CHN2: variants seen among roughly 807,000 people sequenced by gnomAD.
CHN2 encodes chimerin 2.
CHN2 carries 35 observed loss-of-function variants against 56.3 expected under a neutral mutation model. The observed-to-expected ratio is 0.62, with a 90% CI of 0.47 to 0.82. CHN2 has a LOEUF of 0.82. Ranked by LOEUF, CHN2 falls within the 40% of genes least tolerant of loss-of-function variation. CHN2 has a pLI of 0.00. For missense variants in CHN2, 491 were observed against 580.5 expected, an observed-to-expected ratio of 0.85 and a Z score of 1.58; for synonymous variants, 210 against 212.8, an observed-to-expected ratio of 0.99 and a Z score of 0.12.
intron 7 of CHN2, among the ~76,000 whole-genome samples, chr7:29,485,018 T>G (rs545922115): frequency 1.3e-5 from 2 of 152,296 alleles, no homozygotes; most frequent in South Asian, 2.1e-4. Context: ...ATTGCTCTGA[T>G]AGAAAGTGGT....
At chr7:29,230,843 A>G (rs1786633861) in intron 1 of CHN2, among the ~76,000 whole-genome samples, 1 of 151,998 alleles carries the variant, frequency 6.6e-6, no homozygotes, top group African/African-American at 2.4e-5. Flanking sequence ...CATTTCCTGT[A>G]GTGACAATTC....
intron 1 of CHN2, among the ~76,000 whole-genome samples, chr7:29,238,015 CTTTTTTTT>C (rs11405147): frequency 1.9e-5 from 2 of 106,004 alleles, no homozygotes; most frequent in Non-Finnish European, 3.6e-5. Flanking sequence ...TATGTATTCT[CTTTTTTTT>C]TTTTTTTTTT....
intron 1 of CHN2, among the ~76,000 whole-genome samples, chr7:29,248,876 T>C (rs1788278477): frequency 6.6e-6 from 1 of 152,172 alleles, no homozygotes; most frequent in African/African-American, 2.4e-5. Flanking sequence ...ATCCTGTGTC[T>C]CTGTCATGCC....
At chr7:29,400,246 A>G (rs540651296) in intron 5 of CHN2, 22 of 423,570 alleles carry the variant, frequency 5.2e-5, no homozygotes, top group East Asian at 3.5e-4. Flanking sequence ...TCTAGGATCA[A>G]ACGACTCCAT....
chr7:29,407,434 A>G (rs1802756454), intron 6 of CHN2, among the ~76,000 whole-genome samples: 2 of 152,028 alleles, frequency 1.3e-5, no homozygotes, highest in Non-Finnish European at 2.9e-5. Flanking sequence ...GCGTGCATTC[A>G]TTTGCCAAAG....
chr7:29,153,768 C>G lies in CHN2; in HGVS notation c.274+6808C>G, dbSNP rs575178316. ...TATTTTTAGTAGAGACAGGGTTTCA[C>G]CATGTTGGCCAGGCTGGTCTCGAAC... On this transcript the variant is annotated intron_variant, in intron 2 of 6. Coordinates refer to the CHN2 transcript ENST00000439384. Among the ~76,000 whole-genome samples, 104 of 152,186 alleles carry G rather than the reference C, an allele frequency of 6.8e-4. 3 individuals carry two copies. The South Asian group carries it at 0.021, about 31-fold the overall frequency.
At chr7:29,160,480 C>T (rs1005926094) in intron 2 of CHN2, among the ~76,000 whole-genome samples, 2 of 152,144 alleles carry the variant, frequency 1.3e-5, no homozygotes, top group African/African-American at 4.8e-5. Flanking sequence ...CATGGCTACC[C>T]CTTTTCCCTT....
At chr7:29,289,325 C>T (rs1024797430) in intron 1 of CHN2, among the ~76,000 whole-genome samples, 1 of 152,158 alleles carries the variant, frequency 6.6e-6, no homozygotes, top group East Asian at 1.9e-4. Context: ...GCAAGATGGA[C>T]ATACGCCTCT....
intron 6 of CHN2, among the ~76,000 whole-genome samples, chr7:29,418,612 C>T (rs1246814438): frequency 1.3e-5 from 2 of 152,174 alleles, no homozygotes; most frequent in African/African-American, 2.4e-5. Context: ...CGAAAGCATA[C>T]ACCCCGTTGA....
rs143562173 is a variant in CHN2 at position 29,384,227 on chromosome 7, G to A, written c.145-9452G>A. On this transcript the variant is annotated intron_variant, in intron 3 of 12. Transcript: ENST00000222792. ...TAACAATTTTCATATCAACCCATCT[G>A]TAACAGCAGAGTCAGTGTTCTCTAT... Among the ~76,000 whole-genome samples the A allele has an allele frequency of 3.0e-3, 451 of 152,312 alleles. 3 individuals carry two copies. The highest frequency in any genetic ancestry group is 0.011 in the African/African-American group (437 of 41,580).
chr7:29,402,711 CTG>C (rs1802315706), intron 6 of CHN2, among the ~76,000 whole-genome samples: 1 of 152,166 alleles, frequency 6.6e-6, no homozygotes. Flanking sequence ...AGTGTCTCTT[CTG>C]TGTTAGGGCC....
intron 2 of CHN2, among the ~76,000 whole-genome samples, chr7:29,366,755 A>G (rs565866313): frequency 6.6e-5 from 10 of 152,312 alleles, no homozygotes; most frequent in Admixed American, 4.6e-4. Context: ...CAAAATGTAT[A>G]AAGGGTTAGA....
intron 1 of CHN2, among the ~76,000 whole-genome samples, chr7:29,295,500 C>T (rs957819234): frequency 1.7e-4 from 26 of 151,528 alleles, no homozygotes; most frequent in African/African-American, 5.6e-4. Flanking sequence ...TGGTGGCTCA[C>T]GCCTGTGATC....
At position 29,381,809 on chromosome 7, in the gene CHN2, C is replaced by CAAAAAAAAAAAAAAAAA. The variant is rs60652952; in HGVS notation, c.145-11859_145-11843dup. 8.9e-4 allele frequency among the ~76,000 whole-genome samples: 35 copies of CAAAAAAAAAAAAAAAAA among 39,514 alleles called. 5 individuals carry two copies. Among genetic ancestry groups the CAAAAAAAAAAAAAAAAA allele is most frequent in the Non-Finnish European group, 1.2e-3 (23 of 19,046 alleles). 25.9% of individuals were successfully genotyped at this position (39,514 alleles called of 152,430 possible). A position where few individuals can be genotyped will look rare whatever the true frequency, so the allele number is the denominator to read the frequency against. Reference sequence around the variant, plus strand: ...AAAAGTCTATTCTCACTAAACTAAGCAAAAAAAAAAAAAAAAAAAAAAAAA... The same window carrying CAAAAAAAAAAAAAAAAA: ...AAAAGTCTATTCTCACTAAACTAAGCAAAAAAAAAAAAAAAAAAAAAAAAAAAAAAAAAAAAAAAAAA... On this transcript the variant is annotated intron_variant, in intron 3 of 12. Transcript: ENST00000222792.
At chr7:29,435,505 G>T (rs1205426239) in intron 6 of CHN2, among the ~76,000 whole-genome samples, 1 of 152,166 alleles carries the variant, frequency 6.6e-6, no homozygotes, top group Non-Finnish European at 1.5e-5. Flanking sequence ...TGTATGGTGT[G>T]GCCTATTGCT....
intron 1 of CHN2, among the ~76,000 whole-genome samples, chr7:29,340,965 A>G (rs1010698578): frequency 5.3e-5 from 8 of 152,090 alleles, no homozygotes; most frequent in Admixed American, 1.3e-4. Flanking sequence ...GGCGACTGAG[A>G]ATTGAAGGCG....
chr7:29,470,089 T>C (rs1785899100), intron 6 of CHN2, among the ~76,000 whole-genome samples: 1 of 152,258 alleles, frequency 6.6e-6, no homozygotes, highest in Admixed American at 6.5e-5. Context: ...TTTACACTTG[T>C]TCATTAGCAT....
intron 2 of CHN2, among the ~76,000 whole-genome samples, chr7:29,176,857 TTGGTCAGAA>T (rs1402921426): frequency 1.3e-5 from 2 of 152,184 alleles, no homozygotes; most frequent in Admixed American, 1.3e-4. Context: ...TCTTTCATCA[TTGGTCAGAA>T]TGGTAAGAAT....
intron 7 of CHN2, among the ~76,000 whole-genome samples, chr7:29,483,103 G>T (rs1787517543): frequency 6.6e-6 from 1 of 152,064 alleles, no homozygotes; most frequent in African/African-American, 2.4e-5. Flanking sequence ...TTACAGGCGT[G>T]AGCCACCGCG....
Sources: allele counts gnomAD v4.1 joint callset (sites outside exome capture counted in the v4.1 genomes callset), GRCh38; gene constraint gnomAD v4.1.1; transcripts MANE v1.5; gene names NCBI Gene and HGNC (gene_info 2026-07-23, HGNC 2026-07-21).